Variants in OPCML observed in about 807,000 individuals in gnomAD.
OPCML encodes the protein opioid-binding protein/cell adhesion molecule.
Under a neutral mutation model 37.8 loss-of-function variants are expected in OPCML, and 13 were observed. The ratio of observed to expected loss-of-function variants is 0.34; its 90% CI spans 0.22 to 0.55. The LOEUF (loss-of-function observed/expected upper bound fraction) is 0.55. Ranked by LOEUF, OPCML falls within the 20% of genes least tolerant of loss-of-function variation. OPCML has a pLI of 0.91. For synonymous variants in OPCML, 176 were observed against 168.8 expected (o/e 1.04, Z -0.33); for missense variants, 341 against 435.6 (o/e 0.78, Z 1.93).
At chr11:133,307,861 T>A (rs921354092) in intron 1 of OPCML, among the ~76,000 whole-genome samples, 11 of 137,616 alleles carry the variant, frequency 8.0e-5, no homozygotes, top group Admixed American at 1.5e-4. Context: ...TTTTTTTTTT[T>A]AAATTTTACC....
intron 4 of OPCML, among the ~76,000 whole-genome samples, chr11:132,484,509 G>A (rs1329409992): frequency 6.6e-6 from 1 of 152,180 alleles, no homozygotes; most frequent in African/African-American, 2.4e-5. Context: ...AGTCAGTGTG[G>A]CAATTCCTCA....
chr11:132,649,213 C>A (rs753726917), intron 3 of OPCML, among the ~76,000 whole-genome samples: 1 of 152,080 alleles, frequency 6.6e-6, no homozygotes, highest in East Asian at 1.9e-4. Flanking sequence ...CAGAACAAAG[C>A]CCCACATGTA....
At chr11:133,084,142 C>T (rs1415853317) in intron 1 of OPCML, among the ~76,000 whole-genome samples, 1 of 151,978 alleles carries the variant, frequency 6.6e-6, no homozygotes, top group African/African-American at 2.4e-5. Context: ...GTAGGGCAGG[C>T]CTTATTGGTT....
At chr11:133,451,568 G>A (rs2136959240) in intron 1 of OPCML, among the ~76,000 whole-genome samples, 1 of 151,834 alleles carries the variant, frequency 6.6e-6, no homozygotes, top group South Asian at 2.1e-4. Flanking sequence ...TTTAGGCTGA[G>A]CGTGGTGGCT....
intron 1 of OPCML, among the ~76,000 whole-genome samples, chr11:133,052,515 T>C (rs1948149944): frequency 6.6e-6 from 1 of 152,170 alleles, no homozygotes; most frequent in Non-Finnish European, 1.5e-5. Context: ...GCTTCATACT[T>C]TAGGGGACAT....
chr11:132,476,636 A>T (rs2096156997), intron 4 of OPCML, among the ~76,000 whole-genome samples: 3 of 152,144 alleles, frequency 2.0e-5, no homozygotes. Context: ...TGGGAATTGA[A>T]CAATGAGAAC....
intron 1 of OPCML, among the ~76,000 whole-genome samples, chr11:132,964,254 A>G (rs1946162680): frequency 6.6e-6 from 1 of 152,224 alleles, no homozygotes; most frequent in Non-Finnish European, 1.5e-5. Flanking sequence ...TGGGAATATT[A>G]TTTGAAGCAG....
intron 1 of OPCML, among the ~76,000 whole-genome samples, chr11:133,530,058 G>C (rs770888476): frequency 8.5e-5 from 13 of 152,208 alleles, no homozygotes; most frequent in Non-Finnish European, 1.8e-4. Flanking sequence ...TTGCAGTGAT[G>C]TCCACACCCT....
chr11:133,357,983 C>A (rs936751724), intron 1 of OPCML, among the ~76,000 whole-genome samples: 2 of 152,150 alleles, frequency 1.3e-5, no homozygotes, highest in Non-Finnish European at 2.9e-5. Context: ...AGGCCTACCC[C>A]ACTGCACACC....
chr11:133,217,549 G>A (rs529555538), intron 1 of OPCML, among the ~76,000 whole-genome samples: 80 of 152,236 alleles, frequency 5.3e-4, no homozygotes, highest in African/African-American at 1.9e-3. Context: ...ACTTCCCTCT[G>A]CCCCACACGA....
chr11:132,577,932 A>T (rs138009578), intron 3 of OPCML, among the ~76,000 whole-genome samples: 8 of 152,306 alleles, frequency 5.3e-5, no homozygotes, highest in African/African-American at 1.9e-4. Context: ...AGTTATACTG[A>T]TACCAGTACA....
intron 1 of OPCML, among the ~76,000 whole-genome samples, chr11:133,326,848 A>T (rs1206954039): frequency 2.0e-5 from 2 of 101,876 alleles, no homozygotes; most frequent in Admixed American, 1.2e-4. Flanking sequence ...GATTGTGTGT[A>T]TATTGTGTAG....
intron 2 of OPCML, among the ~76,000 whole-genome samples, chr11:132,850,516 G>GGAGTGTGTGTGT (rs796790289): frequency 1.9e-3 from 286 of 148,118 alleles, no homozygotes; most frequent in African/African-American, 6.8e-3. Flanking sequence ...CTGTGGAAAG[G>GGAGTGTGTGTGT]GTGTGTGTGT....
chr11:132,527,577 A>C (rs1238258669), intron 4 of OPCML, among the ~76,000 whole-genome samples: 1 of 151,534 alleles, frequency 6.6e-6, no homozygotes, highest in Non-Finnish European at 1.5e-5. Flanking sequence ...GGAGTGTTAG[A>C]ATTGTGTTGG....
rs1170152051 is a variant in OPCML, at chr11:133,211,555, G to A, written c.62-268545C>T. ...TTTGAAAACTTGAACACTTCCGAAG[G>A]TTCTGTAACTATGCTTTGGCATCAA... On this transcript the variant is annotated intron_variant, in intron 1 of 7. Coordinates refer to ENST00000524381, the MANE Select transcript of OPCML (RefSeq NM_001012393.5). This position sits in a 1 kb window ranked among gnomAD's most constrained non-coding sequence, Gnocchi z 4.1. Among the ~76,000 whole-genome samples, 1 of 152,156 alleles carries A rather than the reference G, an allele frequency of 6.6e-6. No individual in the cohort carries two copies. Among genetic ancestry groups the A allele is most frequent in the African/African-American group, 2.4e-5 (1 of 41,440 alleles).
intron 1 of OPCML, among the ~76,000 whole-genome samples, chr11:133,409,009 G>A (rs1945587802): frequency 6.6e-6 from 1 of 152,122 alleles, no homozygotes; most frequent in East Asian, 1.9e-4. Context: ...AGACTTCCTG[G>A]GTGTCTCTGG....
At chr11:132,513,501 A>C (rs1473221862) in intron 4 of OPCML, among the ~76,000 whole-genome samples, 1 of 152,148 alleles carries the variant, frequency 6.6e-6, no homozygotes, top group Non-Finnish European at 1.5e-5. Context: ...ACCATCAACA[A>C]ATGAGTTCAA....
At chr11:132,479,081 T>C (rs1338582680) in intron 4 of OPCML, among the ~76,000 whole-genome samples, 2 of 151,714 alleles carry the variant, frequency 1.3e-5, no homozygotes, top group Admixed American at 1.3e-4. Context: ...CCAGCCTGAG[T>C]GACGCAGAAG....
At chr11:132,911,427 G>A (rs1411675449) in intron 2 of OPCML, among the ~76,000 whole-genome samples, 1 of 152,210 alleles carries the variant, frequency 6.6e-6, no homozygotes, top group African/African-American at 2.4e-5. Flanking sequence ...CCTAATCAAA[G>A]CACACTTGGC....
Sources: allele counts gnomAD v4.1 joint callset (sites outside exome capture counted in the v4.1 genomes callset), GRCh38; gene constraint gnomAD v4.1.1; non-coding constraint Gnocchi (gnomAD v3.1); transcripts MANE v1.5; gene names NCBI Gene and HGNC (gene_info 2026-07-23, HGNC 2026-07-21).